The following HMGCL variants were observed in gnomAD, a reference collection of about 807,000 sequenced individuals.
HMGCL encodes the protein 3-hydroxy-3-methylglutaryl-CoA lyase.
Under a neutral mutation model 37.3 loss-of-function variants are expected in HMGCL, and 26 were observed. The observed-to-expected ratio is 0.70, with a 90% CI of 0.51 to 0.97. The LOEUF is 0.97. Among genes scored for constraint, HMGCL ranks in the 50% least tolerant of loss-of-function variants. HMGCL has a pLI of 0.00. For missense variants in HMGCL, 379 were observed against 398.1 expected (o/e 0.95, Z 0.41); for synonymous variants, 151 against 148.0 (o/e 1.02, Z -0.15).
intron 2 of HMGCL, among the ~76,000 whole-genome samples, chr1:23,819,175 AT>A (rs924215479): frequency 3.1e-4 from 47 of 152,216 alleles, no homozygotes; most frequent in African/African-American, 1.1e-3. Flanking sequence ...AACTTTCTAG[AT>A]CTGTGCAGCC....
chr1:23,808,418 T>C, intron 6 of HMGCL, 95 bp from the exon 7 acceptor site: 1 of 1,006,132 alleles, frequency 9.9e-7, no homozygotes. Flanking sequence ...GCAGAACACT[T>C]CTGGGTATGA....
At chr1:23,821,137 T>A (rs1057399821) in intron 1 of HMGCL, among the ~76,000 whole-genome samples, 15 of 150,962 alleles carry the variant, frequency 9.9e-5, no homozygotes, top group Non-Finnish European at 1.9e-4. Flanking sequence ...GGGCGATCAC[T>A]TGAGGTCGGG....
chr1:23,807,562 G>A (rs934867312), intron 7 of HMGCL, among the ~76,000 whole-genome samples: 1 of 152,194 alleles, frequency 6.6e-6, no homozygotes, highest in African/African-American at 2.4e-5. Flanking sequence ...CCCACGAGAA[G>A]CAAACCTCAA....
In HMGCL at chr1:23,804,479, C is replaced by G; in HGVS notation, c.797G>C (p.Cys266Ser). Reference sequence around the variant, plus strand: ...TCCTGATGCCCCCTGTGCGTAGGGACAGCCTCCAAGTCCTGCCACAGAAGA... The same window carrying G: ...TCCTGATGCCCCCTGTGCGTAGGGAGAGCCTCCAAGTCCTGCCACAGAAGA... ...VDSSVAGLGGCPYAQGASGNL... is the reference protein window; with the variant it reads ...VDSSVAGLGGSPYAQGASGNL... The change falls in exon 8 of 9, where the codon TGT becomes TCT. Residue 266 changes from cysteine (C) to serine (S), a missense_variant. Coordinates refer to ENST00000374490, the MANE Select transcript of HMGCL (RefSeq NM_000191.3). 1 of 1,614,042 alleles carries G rather than the reference C, an allele frequency of 6.2e-7. No individual in the cohort carries two copies. Among genetic ancestry groups the G allele is most frequent in the Non-Finnish European group, 8.5e-7 (1 of 1,179,890 alleles).
At chr1:23,813,227 GTTTTTTTTTTTTTT>G (rs58260499) in intron 5 of HMGCL, among the ~76,000 whole-genome samples, 1 of 70,800 alleles carries the variant, frequency 1.4e-5, no homozygotes, top group African/African-American at 5.5e-5. Context: ...TGGCTGCAAT[GTTTTTTTTTTTTTT>G]TTTTTTTTTT....
rs773091131 is a variant in HMGCL, at chr1:23,810,729, C to T, written c.561+7G>A. The T allele has an allele frequency of 6.2e-6, 10 of 1,613,556 alleles. No individual in the cohort carries two copies. The highest frequency in any genetic ancestry group is 8.5e-6 in the Non-Finnish European group (10 of 1,179,638). On this transcript the variant is annotated splice_region_variant and intron_variant, in intron 6 of 8. Coordinates refer to ENST00000374490, the MANE Select transcript of HMGCL (RefSeq NM_000191.3). ...ACCAAACCCCCCGCCCTGACACATG[C>T]ACACACCTCAGCTACTTTAGCTGGG... is the stretch of plus-strand genomic sequence containing the variant.
At chr1:23,813,994 C>CA in intron 5 of HMGCL, 196 bp downstream of exon 5, 1 of 652,018 alleles carries the variant, frequency 1.5e-6, no homozygotes, top group East Asian at 2.8e-5. Context: ...TAAACTGACC[C>CA]AAAATTCAGG....
intron 2 of HMGCL, among the ~76,000 whole-genome samples, chr1:23,818,610 G>A (rs970575433): frequency 6.6e-6 from 1 of 151,620 alleles, no homozygotes; most frequent in Non-Finnish European, 1.5e-5. Flanking sequence ...GGAGTGCAGT[G>A]GCACAATCTC....
chr1:23,823,988 G>A (rs895113357), intron 1 of HMGCL, among the ~76,000 whole-genome samples: 1 of 152,140 alleles, frequency 6.6e-6, no homozygotes, highest in Non-Finnish European at 1.5e-5. Context: ...TGTGGCTCTA[G>A]AGCACAAGCT....
intron 4 of HMGCL, among the ~76,000 whole-genome samples, chr1:23,814,778 T>C (rs974502751): frequency 1.3e-5 from 2 of 152,164 alleles, no homozygotes; most frequent in Non-Finnish European, 2.9e-5. Flanking sequence ...CCTAAAAATA[T>C]ATGTTGAAGG....
chr1:23,816,506 A>T, intron 4 of HMGCL, 169 bp downstream of exon 4: 1 of 730,506 alleles, frequency 1.4e-6, no homozygotes, highest in East Asian at 2.5e-5. Flanking sequence ...TCAACTTGTC[A>T]AGATCACAGA....
intron 7 of HMGCL, among the ~76,000 whole-genome samples, chr1:23,805,281 G>A (rs1638386284): frequency 6.6e-6 from 1 of 152,038 alleles, no homozygotes; most frequent in Non-Finnish European, 1.5e-5. Context: ...GCTGCAACCT[G>A]TTACTCCCCT....
chr1:23,824,214 G>A (rs866013482), intron 1 of HMGCL, among the ~76,000 whole-genome samples: 12 of 152,130 alleles, frequency 7.9e-5, no homozygotes, highest in African/African-American at 2.9e-4. Context: ...ACAGGCCAGG[G>A]ACTATTATTA....
chr1:23,811,842 C>CAAGCA (rs1445843996), intron 5 of HMGCL, among the ~76,000 whole-genome samples: 2 of 152,176 alleles, frequency 1.3e-5, no homozygotes, highest in Non-Finnish European at 2.9e-5. Context: ...CCTTTAGAGT[C>CAAGCA]AAGCAAATTC....
chr1:23,817,456 C>T lies in HMGCL; in HGVS notation c.252+20G>A. 1 of 1,424,432 alleles carries T rather than the reference C, an allele frequency of 7.0e-7. No individual in the cohort carries two copies. The highest frequency in any genetic ancestry group is 1.1e-5 in the South Asian group (1 of 87,232). 88.2% of individuals were successfully genotyped at this position (1,424,432 alleles called of 1,614,324 possible). On this transcript the variant is annotated intron_variant, in intron 3 of 8. Coordinates refer to ENST00000374490, the MANE Select transcript of HMGCL (RefSeq NM_000191.3). ...TTTTCATCCCTAGAGAAAGGCCTTT[C>T]ATTGAGGGCTAGGGCTCACCTGGGG...
intron 2 of HMGCL, among the ~76,000 whole-genome samples, chr1:23,819,787 T>C (rs1327107952): frequency 6.6e-6 from 1 of 152,194 alleles, no homozygotes; most frequent in African/African-American, 2.4e-5. Flanking sequence ...TATTTGTTTT[T>C]GTTTGGAGAC....
At chr1:23,814,821 T>C (rs1416585531) in intron 4 of HMGCL, among the ~76,000 whole-genome samples, 1 of 152,094 alleles carries the variant, frequency 6.6e-6, no homozygotes, top group Non-Finnish European at 1.5e-5. Flanking sequence ...TGTGACCTTA[T>C]TTGGAAACAG....
rs541994688 is a variant in HMGCL, at chr1:23,806,424, C to T, written c.750+1711G>A. Among the ~76,000 whole-genome samples, 13 of 152,322 alleles carry T rather than the reference C, an allele frequency of 8.5e-5. No individual in the cohort carries two copies. The highest frequency in any genetic ancestry group is 2.0e-4 in the Admixed American group (3 of 15,290). Reference sequence around the variant, plus strand: ...CCCCTCTCCTCAGTCACACTGCTCCCGCCACATGCCTCCTCCTGATCCCTG... The same window carrying T: ...CCCCTCTCCTCAGTCACACTGCTCCTGCCACATGCCTCCTCCTGATCCCTG... On this transcript the variant is annotated intron_variant, in intron 7 of 8. Transcript: ENST00000374490. This position sits in a 1 kb window ranked among gnomAD's most constrained non-coding sequence, Gnocchi z 4.0.
At position 23,825,396 on chromosome 1, in the gene HMGCL, G is replaced by T; in HGVS notation, c.20C>A (p.Ala7Glu). 1 of 1,560,718 alleles carries T rather than the reference G, an allele frequency of 6.4e-7. No individual in the cohort carries two copies. ...CAAGCCCACCAGTCGCCGCGGAAGC[G>T]CCTTCCTCATTGCTGCCATCTTGGC... The part of the protein sequence containing the change: MAAMRK[A>E]LPRRLVGLAS... The change falls in exon 1 of 9, where the codon GCG (alanine) becomes GAG (glutamate). Residue 7 changes from alanine to glutamate, a missense_variant. By Grantham distance (107) the Ala-to-Glu change is moderately radical. Transcript: ENST00000374490.
Sources: allele counts gnomAD v4.1 joint callset (sites outside exome capture counted in the v4.1 genomes callset), GRCh38; gene constraint gnomAD v4.1.1; non-coding constraint Gnocchi (gnomAD v3.1); transcripts MANE v1.5; gene names NCBI Gene and HGNC (gene_info 2026-07-23, HGNC 2026-07-21).